Variants in KSR1 observed in about 807,000 individuals in gnomAD.
KSR1 encodes kinase suppressor of ras.
A neutral mutation model predicts 92.9 loss-of-function variants in KSR1; 35 were observed. The observed-to-expected ratio is 0.38, with a 90% CI of 0.29 to 0.50. The LOEUF is 0.50. Among genes scored for constraint, KSR1 ranks in the 20% least tolerant of loss-of-function variants. The pLI is 0.94. For synonymous variants in KSR1, 467 were observed against 472.6 expected (o/e 0.99, Z 0.15); for missense variants, 972 against 1,158.5 (o/e 0.84, Z 2.34).
intron 19 of KSR1, among the ~76,000 whole-genome samples, chr17:27,619,373 C>T (rs1363850178): frequency 6.6e-6 from 1 of 151,268 alleles, no homozygotes; most frequent in Non-Finnish European, 1.5e-5. Flanking sequence ...ATTTGGCTTG[C>T]ACATTGTTTT....
At chr17:27,546,627 G>C (rs1048938778) in intron 1 of KSR1, among the ~76,000 whole-genome samples, 69 of 152,190 alleles carry the variant, frequency 4.5e-4, no homozygotes, top group Admixed American at 1.2e-3. Flanking sequence ...TGGAGGAATA[G>C]CTGCTGGGTG....
intron 1 of KSR1, among the ~76,000 whole-genome samples, chr17:27,524,665 A>G (rs2945378): frequency 0.43 from 64,809 of 152,080 alleles, 14,906 homozygotes; most frequent in African/African-American, 0.6. Flanking sequence ...AATTAGATAG[A>G]ATCAAATCAA....
At chr17:27,622,150 G>T in intron 20 of KSR1, 2 of 588,456 alleles carry the variant, frequency 3.4e-6, no homozygotes, top group Non-Finnish European at 3.0e-6. Context: ...CCAAGTAACT[G>T]CTCTCAGAGG....
chr17:27,456,835 G>C lies in KSR1; in HGVS notation c.192G>C (p.Val64=). ...SLRGLRTKCA[V]SNDLTQQEIR... is the part of the protein sequence containing the mutation. ...GCGGGCTGCGCACCAAGTGCGCTGT[G>C]TCCAACGACCTCACCCAGCAGGAGA... Residue 64 remains valine, a synonymous_variant, in exon 1 of 21, where the codon GTG becomes GTC. Transcript: ENST00000644974. 2.3e-6 allele frequency: 3 copies of C among 1,320,694 alleles called. No homozygotes were observed. Among genetic ancestry groups the C allele is most frequent in the South Asian group, 1.2e-5 (1 of 85,598 alleles). The allele number at this position is 1,320,694 out of a possible 1,614,324, so 81.8% of individuals were successfully genotyped here.
chr17:27,611,680 G>C (rs1180361120), intron 18 of KSR1, 51 bp downstream of exon 18: 1 of 1,607,344 alleles, frequency 6.2e-7, no homozygotes. Flanking sequence ...GTGGGGTGGG[G>C]CATGTGGCAT....
At chr17:27,590,254 A>G (rs184865060) in intron 6 of KSR1, among the ~76,000 whole-genome samples, 37 of 152,284 alleles carry the variant, frequency 2.4e-4, no homozygotes, top group African/African-American at 7.7e-4. Flanking sequence ...ATCATATCTT[A>G]TTGTACCTTA....
chr17:27,596,595 C>A (rs1410793482), intron 9 of KSR1, among the ~76,000 whole-genome samples: 1 of 152,152 alleles, frequency 6.6e-6, no homozygotes, highest in Non-Finnish European at 1.5e-5. Flanking sequence ...AGAATTCTTA[C>A]CCCTCCAAAA....
rs575924510 is a variant in KSR1 at position 27,493,680 on chromosome 17, G to C, written c.231+36806G>C. Among the ~76,000 whole-genome samples, 37 of 152,226 alleles carry C rather than the reference G, an allele frequency of 2.4e-4. 1 individual carries two copies. Among genetic ancestry groups the C allele is most frequent in the African/African-American group, 8.0e-4 (33 of 41,508 alleles). On this transcript the variant is annotated intron_variant, in intron 1 of 20. Coordinates refer to ENST00000644974, the MANE Select transcript of KSR1 (RefSeq NM_001394583.1). ...AACCTTTCCTTCTGTGTTGTCGTGA[G>C]TGTAAAGAAGCAGCATCATGAAAAA... is the stretch of plus-strand genomic sequence containing the variant.
intron 3 of KSR1, chr17:27,579,192 G>T (rs1567848114): frequency 6.6e-6 from 1 of 152,462 alleles, no homozygotes; most frequent in East Asian, 1.9e-4. Context: ...GCACCTGCTG[G>T]GATCCGCTGG....
At chr17:27,603,740 C>A in intron 11 of KSR1, 94 bp from the exon 12 acceptor site, 2 of 1,260,334 alleles carry the variant, frequency 1.6e-6, no homozygotes, top group Non-Finnish European at 2.3e-6. Context: ...AGGGGAAAAT[C>A]AGCCTCTCTG....
chr17:27,623,216 G>A (rs772407032), intron 20 of KSR1, 98 bp from the exon 21 acceptor site: 126 of 703,912 alleles, frequency 1.8e-4, no homozygotes, highest in Non-Finnish European at 2.1e-4. Flanking sequence ...TCTTGTTGGA[G>A]GCCAGGTCCT....
intron 1 of KSR1, among the ~76,000 whole-genome samples, chr17:27,465,843 A>G (rs2019670829): frequency 6.6e-6 from 1 of 152,016 alleles, no homozygotes; most frequent in Non-Finnish European, 1.5e-5. Context: ...TTCATGGTGC[A>G]CACACAGTTT....
At chr17:27,482,676 C>T (rs2068544414) in intron 1 of KSR1, among the ~76,000 whole-genome samples, 1 of 152,116 alleles carries the variant, frequency 6.6e-6, no homozygotes, top group South Asian at 2.1e-4. Flanking sequence ...AAACAGCAAA[C>T]ATTTGCTATA....
chr17:27,580,269 T>G (rs934243307), intron 3 of KSR1, among the ~76,000 whole-genome samples: 4 of 152,198 alleles, frequency 2.6e-5, no homozygotes, highest in African/African-American at 9.6e-5. Context: ...TAGGCCAGTC[T>G]ATGAGCTACA....
chr17:27,497,580 G>C (rs1465283149), intron 1 of KSR1, among the ~76,000 whole-genome samples: 1 of 152,146 alleles, frequency 6.6e-6, no homozygotes, highest in Non-Finnish European at 1.5e-5. Context: ...AGGCAGTGGG[G>C]CCCCAAATAT....
chr17:27,506,482 G>C (rs2069386315), intron 1 of KSR1, among the ~76,000 whole-genome samples: 1 of 152,224 alleles, frequency 6.6e-6, no homozygotes, highest in Admixed American at 6.5e-5. Context: ...ACTCGATTAT[G>C]TGGATGTAGT....
intron 1 of KSR1, among the ~76,000 whole-genome samples, chr17:27,541,475 G>A (rs554977091): frequency 2.5e-4 from 38 of 152,324 alleles, no homozygotes; most frequent in African/African-American, 8.4e-4. Flanking sequence ...GGCCCAGTTG[G>A]GTGGCTGGAT....
chr17:27,477,979 A>G (rs1231969370), intron 1 of KSR1, among the ~76,000 whole-genome samples: 2 of 152,078 alleles, frequency 1.3e-5, no homozygotes, highest in African/African-American at 4.8e-5. Context: ...GGCCTCCCAA[A>G]GTGCTGGGAT....
At chr17:27,531,366 G>A (rs1039885788) in intron 1 of KSR1, among the ~76,000 whole-genome samples, 1 of 152,254 alleles carries the variant, frequency 6.6e-6, no homozygotes, top group East Asian at 1.9e-4. Flanking sequence ...TGCAGGTGAC[G>A]GGGAGGCCAC....
Sources: allele counts gnomAD v4.1 joint callset (sites outside exome capture counted in the v4.1 genomes callset), GRCh38; gene constraint gnomAD v4.1.1; transcripts MANE v1.5; gene names NCBI Gene and HGNC (gene_info 2026-07-23, HGNC 2026-07-21).